The following FAM227A variants were observed in gnomAD, a reference collection of about 807,000 sequenced individuals.
The protein encoded by FAM227A is family with sequence similarity 227 member A.
In FAM227A, 80 loss-of-function variants were observed where a neutral mutation model predicts 74.7. The ratio of observed to expected loss-of-function variants is 1.07; its 90% confidence interval spans 0.89 to 1.29. The LOEUF (loss-of-function observed/expected upper bound fraction) is 1.29, where lower values mean the gene tolerates loss of function less well. Among genes scored for constraint, FAM227A ranks in the 50% most tolerant of loss-of-function variants. FAM227A has a pLI of 0.00. For synonymous variants in FAM227A, 237 were observed against 241.8 expected, an observed-to-expected ratio of 0.98 and a Z score of 0.19; for missense variants, 654 against 683.4, an observed-to-expected ratio of 0.96 and a Z score of 0.48.
intron 13 of FAM227A, among the ~76,000 whole-genome samples, chr22:38,602,554 T>C (rs1288358165): frequency 6.6e-6 from 1 of 152,270 alleles, no homozygotes; most frequent in Non-Finnish European, 1.5e-5. Flanking sequence ...TACACGACTC[T>C]AAGTAAATTG....
intron 3 of FAM227A, among the ~76,000 whole-genome samples, chr22:38,643,697 A>G (rs1177645345): frequency 3.3e-5 from 5 of 152,208 alleles, no homozygotes; most frequent in South Asian, 2.1e-4. Flanking sequence ...AGACCTGGAC[A>G]TGGATGCTTA....
intron 1 of FAM227A, among the ~76,000 whole-genome samples, chr22:38,651,881 T>G (rs1240988235): frequency 1.3e-5 from 2 of 151,928 alleles, no homozygotes; most frequent in African/African-American, 2.4e-5. Flanking sequence ...AAGATTCAAA[T>G]GCCCTGTTTA....
At chr22:38,655,284 C>T (rs1387335311) in intron 1 of FAM227A, among the ~76,000 whole-genome samples, 1 of 151,864 alleles carries the variant, frequency 6.6e-6, no homozygotes, top group East Asian at 1.9e-4. Context: ...AATACCAGCA[C>T]TTTGGGAGGC....
intron 11 of FAM227A, among the ~76,000 whole-genome samples, chr22:38,609,585 TCAA>T (rs1408894299): frequency 1.3e-5 from 2 of 152,178 alleles, no homozygotes; most frequent in African/African-American, 4.8e-5. Flanking sequence ...TCCACCAGCC[TCAA>T]CAACAACCGT....
chr22:38,655,408 G>A (rs970499890), intron 1 of FAM227A, among the ~76,000 whole-genome samples: 5 of 151,790 alleles, frequency 3.3e-5, no homozygotes, highest in African/African-American at 1.2e-4. Context: ...GTGGGTGCCT[G>A]TAATTCCAGC....
chr22:38,647,517 C>G (rs910066242), intron 2 of FAM227A, among the ~76,000 whole-genome samples: 3 of 152,072 alleles, frequency 2.0e-5, no homozygotes, highest in Non-Finnish European at 4.4e-5. Context: ...TGTGATGTCA[C>G]AGAGAGCTGT....
intron 11 of FAM227A, among the ~76,000 whole-genome samples, chr22:38,619,728 A>G (rs1015106709): frequency 2.6e-5 from 4 of 152,220 alleles, no homozygotes; most frequent in South Asian, 2.1e-4. Flanking sequence ...AGTATCTGAG[A>G]ACCTGAGGGA....
rs969277999 is a variant in FAM227A at position 38,578,539 on chromosome 22, C to T, written c.*7586G>A. The T allele has an allele frequency of 2.0e-5, 3 of 152,164 alleles. No homozygotes were observed. The highest frequency in any genetic ancestry group is 2.9e-5 in the Non-Finnish European group (2 of 68,048). The allele number at this position is 152,164 out of a possible 1,614,324, so 9.4% of individuals were successfully genotyped here. ...ATTTATTCAACACTGCTCAATTCCA[C>T]GTCTCTGCTGGATATAAAGACAGGT... is the stretch of plus-strand genomic sequence containing the variant. On this transcript the variant is annotated 3_prime_UTR_variant, in exon 17 of 17. Transcript: ENST00000535113.
chr22:38,632,547 TA>T, intron 6 of FAM227A, among the ~76,000 whole-genome samples: 1 of 152,304 alleles, frequency 6.6e-6, no homozygotes, highest in South Asian at 2.1e-4. Context: ...CTGTTCTTTA[TA>T]AATTACCAGT....
chr22:38,639,501 C>T, intron 4 of FAM227A, 154 bp downstream of exon 4: 1 of 769,124 alleles, frequency 1.3e-6, no homozygotes, highest in Admixed American at 2.0e-5. Flanking sequence ...TCCCTCCTTC[C>T]TTGCCCAATG....
intron 13 of FAM227A, among the ~76,000 whole-genome samples, chr22:38,604,392 G>A (rs9622833): frequency 0.26 from 39,946 of 152,082 alleles, 5,545 homozygotes; most frequent in East Asian, 0.36. Context: ...TTCTATGGCC[G>A]ACTCCCTTGC....
intron 13 of FAM227A, among the ~76,000 whole-genome samples, chr22:38,600,292 ATGTG>A (rs902804317): frequency 1.3e-5 from 2 of 150,024 alleles, no homozygotes; most frequent in South Asian, 2.1e-4. Context: ...TGTTTTTTAT[ATGTG>A]TGTGTGTATG....
intron 15 of FAM227A, among the ~76,000 whole-genome samples, chr22:38,593,436 C>T (rs1180828092): frequency 8.5e-5 from 13 of 152,128 alleles, no homozygotes; most frequent in Non-Finnish European, 1.8e-4. Flanking sequence ...ACCCAGGAGG[C>T]GGAGCTTGCA....
chr22:38,630,216 C>T (rs894668547), intron 6 of FAM227A, among the ~76,000 whole-genome samples: 28 of 152,366 alleles, frequency 1.8e-4, no homozygotes, highest in East Asian at 5.8e-4. Flanking sequence ...GGGATGCAGA[C>T]GGAAAGACCC....
chr22:38,616,963 G>A (rs1454302085), intron 11 of FAM227A, among the ~76,000 whole-genome samples: 1 of 152,098 alleles, frequency 6.6e-6, no homozygotes, highest in Non-Finnish European at 1.5e-5. Flanking sequence ...TTGGTGGTGG[G>A]AAGGCACGGG....
chr22:38,595,384 T>C (rs1005261737), intron 15 of FAM227A, among the ~76,000 whole-genome samples: 1 of 152,126 alleles, frequency 6.6e-6, no homozygotes, highest in Admixed American at 6.6e-5. Flanking sequence ...GAAAGAGTTA[T>C]AGGGGCATGA....
chr22:38,645,675 G>C, intron 2 of FAM227A, 30 bp from the exon 3 acceptor site: 1 of 1,442,236 alleles, frequency 6.9e-7, no homozygotes, highest in Non-Finnish European at 9.5e-7. Context: ...AGGAAACTCA[G>C]GGTGATGATT....
chr22:38,617,029 G>C (rs1243056814), intron 11 of FAM227A, among the ~76,000 whole-genome samples: 1 of 152,050 alleles, frequency 6.6e-6, no homozygotes, highest in African/African-American at 2.4e-5. Flanking sequence ...GGTGGTGCTG[G>C]GGAGGAGGGC....
At chr22:38,621,349 C>CAAAA (rs35716573) in intron 10 of FAM227A, among the ~76,000 whole-genome samples, 1 of 79,188 alleles carries the variant, frequency 1.3e-5, no homozygotes. Context: ...GACTCTGTCT[C>CAAAA]AAAAAAAAAA....
Sources: gnomAD v4.1 joint callset for allele counts (sites outside exome capture counted in the v4.1 genomes callset) on GRCh38, gnomAD v4.1.1 for gene constraint, MANE v1.5 for transcripts, NCBI Gene and HGNC (gene_info 2026-07-23, HGNC 2026-07-21) for gene names.